Variants in TTC13 observed in about 807,000 individuals in gnomAD.
The protein encoded by TTC13 is tetratricopeptide repeat protein 13.
In TTC13, 62 loss-of-function variants were observed where a neutral mutation model predicts 120.0. That is an observed-to-expected ratio of 0.52 (90% CI 0.42 to 0.64). The LOEUF is 0.64. Among genes scored for constraint, TTC13 ranks in the 30% least tolerant of loss-of-function variants. The pLI is 0.00. For missense variants in TTC13, 824 were observed against 1,050.2 expected, an observed-to-expected ratio of 0.78 and a Z score of 2.98; for synonymous variants, 384 against 393.5, an observed-to-expected ratio of 0.98 and a Z score of 0.28.
At position 230,912,446 on chromosome 1, in the gene TTC13, A is replaced by C. The variant is rs111745597; in HGVS notation, c.2229+177T>G. 3.9e-4 allele frequency among the ~76,000 whole-genome samples: 60 copies of C among 152,304 alleles called. 1 individual carries two copies. Among genetic ancestry groups the C allele is most frequent in the African/African-American group, 1.4e-3 (58 of 41,578 alleles). On this transcript the variant is annotated intron_variant, in intron 19 of 22. Transcript: ENST00000366661. The stretch of plus-strand genomic sequence containing the variant: ...AAATTATTAATTTATTATCCTCCCC[A>C]TTACTGTAGTTACTAAATACAAGAA...
Position 230,931,726 on chromosome 1 carries a change from G to A in TTC13, c.1125+10C>T, listed in dbSNP as rs370739321. On this transcript the variant is annotated intron_variant, in intron 10 of 22. Transcript: ENST00000366661. ...TTCCAATTACAGTGTTCTTATTTATGGATGCTCACCTTAAAGTTCTTAAGG... is the reference window on the plus strand; with the variant it reads ...TTCCAATTACAGTGTTCTTATTTATAGATGCTCACCTTAAAGTTCTTAAGG... 7.9e-5 allele frequency: 127 copies of A among 1,612,808 alleles called. No homozygotes were observed. The African/African-American group carries it at 1.5e-3, about 20-fold the overall frequency.
At chr1:230,946,006 T>G (rs1032707943) in intron 4 of TTC13, among the ~76,000 whole-genome samples, 1 of 152,204 alleles carries the variant, frequency 6.6e-6, no homozygotes, top group Admixed American at 6.5e-5. Flanking sequence ...AACCAGACTC[T>G]TTTTGCAGCC....
chr1:230,958,435 G>A (rs1260058760), intron 2 of TTC13, 136 bp from the exon 3 acceptor site: 8 of 1,010,396 alleles, frequency 7.9e-6, no homozygotes, highest in Non-Finnish European at 9.8e-6. Context: ...TGCCACTATT[G>A]TGGGAATGTT....
At chr1:230,964,652 G>C (rs971941925) in intron 1 of TTC13, among the ~76,000 whole-genome samples, 5 of 152,138 alleles carry the variant, frequency 3.3e-5, no homozygotes, top group African/African-American at 1.2e-4. Flanking sequence ...TTATCAATTT[G>C]AATGCCACCT....
At chr1:230,973,209 A>G (rs1677938392) in intron 1 of TTC13, among the ~76,000 whole-genome samples, 2 of 152,206 alleles carry the variant, frequency 1.3e-5, no homozygotes, top group South Asian at 2.1e-4. Context: ...AATAGCTCTC[A>G]TAAGTTTCCT....
rs999442749 is a variant in TTC13 at position 230,942,836 on chromosome 1, G to A, written c.672+970C>T. Among the ~76,000 whole-genome samples, 5 of 152,008 alleles carry A rather than the reference G, an allele frequency of 3.3e-5. No individual in the cohort carries two copies. In the East Asian group the frequency reaches 7.7e-4, roughly 23 times the overall value. On this transcript the variant is annotated intron_variant, in intron 6 of 22. Transcript: ENST00000366661. This position sits in a 1 kb window ranked among gnomAD's most constrained non-coding sequence, Gnocchi z 4.0. The stretch of plus-strand genomic sequence containing the variant: ...GATCAGCTCTAGCCTCGCTTCCTCC[G>A]ACAGCCTCAGCAAACACTCCCAACA...
rs1676544798 is a variant in TTC13 at position 230,960,696 on chromosome 1, A to G, written c.366+513T>C. Reference sequence around the variant, plus strand: ...TACATTAAACTTGGACACGGAAAGAACAATCAGCTTCATAGAGTTAAGTGT... The same window carrying G: ...TACATTAAACTTGGACACGGAAAGAGCAATCAGCTTCATAGAGTTAAGTGT... On this transcript the variant is annotated intron_variant, in intron 2 of 22. Coordinates refer to ENST00000366661, the MANE Select transcript of TTC13 (RefSeq NM_024525.5). 2.6e-5 allele frequency among the ~76,000 whole-genome samples: 4 copies of G among 152,228 alleles called. No homozygotes were observed. The South Asian group carries it at 8.3e-4, about 32-fold the overall frequency.
In TTC13 at chr1:230,933,791, C is replaced by G. The variant is rs763777244; in HGVS notation, c.971G>C (p.Gly324Ala). ...TTATTTTACTCACCTATATGCCTGCCCTAGACTTTTATATGCATCAATAAA... is the reference window on the plus strand; with the variant it reads ...TTATTTTACTCACCTATATGCCTGCGCTAGACTTTTATATGCATCAATAAA... ...VDFIDAYKSL[G>A]QAYRELGNFE... Residue 324 changes from glycine (G) to alanine (A), a missense_variant, in exon 9 of 23, where the codon GGG (glycine) becomes GCG (alanine). Physicochemically the swap from Gly to Ala is moderately conservative, Grantham distance 60. Coordinates refer to ENST00000366661, the MANE Select transcript of TTC13 (RefSeq NM_024525.5). 2.7e-5 allele frequency: 44 copies of G among 1,605,614 alleles called. 1 individual carries two copies. The South Asian group carries it at 4.6e-4, about 17-fold the overall frequency.
At chr1:230,936,223 T>A (rs1326266461) in intron 8 of TTC13, 7 of 456,180 alleles carry the variant, frequency 1.5e-5, no homozygotes, top group Non-Finnish European at 3.1e-5. Context: ...GTCTTTGGTT[T>A]CGGGGTTCCT....
intron 1 of TTC13, among the ~76,000 whole-genome samples, chr1:230,969,378 A>G (rs1040790210): frequency 1.3e-5 from 2 of 152,198 alleles, no homozygotes; most frequent in African/African-American, 2.4e-5. Flanking sequence ...CAACTTAGCA[A>G]TTTATCTTTT....
intron 17 of TTC13, 54 bp from the exon 18 acceptor site, chr1:230,916,356 C>A (rs1672027998): frequency 1.6e-6 from 2 of 1,267,042 alleles, no homozygotes; most frequent in African/African-American, 1.5e-5. Flanking sequence ...CTGTAAACCC[C>A]AACTGCAACT....
At position 230,923,760 on chromosome 1, in the gene TTC13, T is replaced by A. The variant is rs185461086; in HGVS notation, c.1814+81A>T. ...CAAAAAGTCACCAGGAAAGGAGCAATGGGTCACTCCTGGTCTCCATGGCCT... is the reference window on the plus strand; with the variant it reads ...CAAAAAGTCACCAGGAAAGGAGCAAAGGGTCACTCCTGGTCTCCATGGCCT... On this transcript the variant is annotated intron_variant, in intron 15 of 22. Coordinates refer to ENST00000366661, the MANE Select transcript of TTC13 (RefSeq NM_024525.5). 7 of 1,159,864 alleles carry A rather than the reference T, an allele frequency of 6.0e-6. No individual in the cohort carries two copies. The East Asian group carries it at 1.4e-4, about 24-fold the overall frequency. 71.8% of individuals were successfully genotyped at this position (1,159,864 alleles called of 1,614,324 possible).
intron 15 of TTC13, among the ~76,000 whole-genome samples, chr1:230,922,123 A>C (rs932751809): frequency 6.6e-6 from 1 of 151,836 alleles, no homozygotes; most frequent in African/African-American, 2.4e-5. Context: ...TGCAACCCAC[A>C]CTTCTCCCAG....
At position 230,959,018 on chromosome 1, in the gene TTC13, A is replaced by G. The variant is rs552530984; in HGVS notation, c.367-719T>C. Among the ~76,000 whole-genome samples, 6 of 152,358 alleles carry G rather than the reference A, an allele frequency of 3.9e-5. No individual in the cohort carries two copies. The South Asian group carries it at 1.2e-3, about 32-fold the overall frequency. ...CTCAAAAATAAATAAATAATTGCTTAGATGGCTTGATTGTGGCAACCATTT... is the reference window on the plus strand; with the variant it reads ...CTCAAAAATAAATAAATAATTGCTTGGATGGCTTGATTGTGGCAACCATTT... On this transcript the variant is annotated intron_variant, in intron 2 of 22. Coordinates refer to ENST00000366661, the MANE Select transcript of TTC13 (RefSeq NM_024525.5).
chr1:230,936,381 A>C (rs1438339979), intron 8 of TTC13: 1 of 385,076 alleles, frequency 2.6e-6, no homozygotes, highest in Non-Finnish European at 5.1e-6. Flanking sequence ...TTTGCTTGGC[A>C]AATGCCATCC....
At chr1:230,969,001 G>A (rs1677439505) in intron 1 of TTC13, among the ~76,000 whole-genome samples, 1 of 152,212 alleles carries the variant, frequency 6.6e-6, no homozygotes. Flanking sequence ...GGGGCTGGGT[G>A]CGGTGGCTCA....
chr1:230,938,545 C>T (rs1390487039), intron 8 of TTC13, among the ~76,000 whole-genome samples: 1 of 152,222 alleles, frequency 6.6e-6, no homozygotes, highest in Non-Finnish European at 1.5e-5. Flanking sequence ...TCTACCTCCT[C>T]TGCCCAGCAG....
intron 4 of TTC13, among the ~76,000 whole-genome samples, chr1:230,948,408 A>G (rs928674181): frequency 6.6e-6 from 1 of 151,700 alleles, no homozygotes. Flanking sequence ...TACAAAAAAA[A>G]AAAAAAAAGG....
At position 230,957,752 on chromosome 1, in the gene TTC13, G is replaced by A. The variant is rs569357340; in HGVS notation, c.442+472C>T. Among the ~76,000 whole-genome samples, 17 of 151,874 alleles carry A rather than the reference G, an allele frequency of 1.1e-4. No individual in the cohort carries two copies. In the South Asian group the frequency reaches 1.9e-3, roughly 17 times the overall value. On this transcript the variant is annotated intron_variant, in intron 3 of 22. Transcript: ENST00000366661. ...ATGAACACACCAAACTATGTGACTC[G>A]TGCAGGTACGAATGAATTCAATTTT...
Sources: allele counts gnomAD v4.1 joint callset (sites outside exome capture counted in the v4.1 genomes callset), GRCh38; gene constraint gnomAD v4.1.1; non-coding constraint Gnocchi (gnomAD v3.1); transcripts MANE v1.5; gene names NCBI Gene and HGNC (gene_info 2026-07-23, HGNC 2026-07-21).